The following IGF2 variants were observed in gnomAD, a reference collection of about 807,000 sequenced individuals.
IGF2 encodes insulin like growth factor 2.
IGF2 carries 2 observed loss-of-function variants against 12.0 expected under a neutral mutation model. The observed-to-expected ratio is 0.17, with a 90% CI of 0.07 to 0.52. The LOEUF (loss-of-function observed/expected upper bound fraction) is 0.52. Ranked by LOEUF, IGF2 falls within the 20% of genes least tolerant of loss-of-function variation. The pLI, the probability that IGF2 is intolerant of heterozygous loss-of-function variation, is 0.95. For missense variants in IGF2, 211 were observed against 268.0 expected (o/e 0.79, Z 1.48); for synonymous variants, 105 against 110.1 (o/e 0.95, Z 0.29).
chr11:2,134,102 C>G (rs763868632), intron 2 of IGF2: 4 of 499,014 alleles, frequency 8.0e-6, no homozygotes, highest in Admixed American at 2.4e-5. Flanking sequence ...CACACCACCC[C>G]TGGAGCTGCT....
upstream of IGF2, chr11:2,140,434 GC>G (rs1182699891): frequency 1.7e-5 from 12 of 701,050 alleles, no homozygotes; most frequent in South Asian, 5.7e-5. Flanking sequence ...GGAATCTCGC[GC>G]CCCCCTGGCC....
At chr11:2,141,938 G>T (rs2133621333), upstream of IGF2, among the ~76,000 whole-genome samples, 1 of 152,314 alleles carries the variant, frequency 6.6e-6, no homozygotes, top group East Asian at 1.9e-4. Flanking sequence ...ATATTTTCCT[G>T]GATGTCGTCT....
At chr11:2,143,338 G>C (rs898864704), upstream of IGF2, among the ~76,000 whole-genome samples, 14 of 150,690 alleles carry the variant, frequency 9.3e-5, no homozygotes, top group Non-Finnish European at 5.9e-5. Flanking sequence ...TGAGGTGAAC[G>C]GGAAGGGGCG....
chr11:2,142,768 G>A (rs1590135185), upstream of IGF2, among the ~76,000 whole-genome samples: 1 of 152,212 alleles, frequency 6.6e-6, no homozygotes, highest in Non-Finnish European at 1.5e-5. The surrounding 1 kb of genome is among the most constrained non-coding windows in gnomAD (Gnocchi z 5.7). Context: ...GGGAACTGGG[G>A]CCGTTAGCAA....
Position 2,135,354 on chromosome 11 carries a change from C to T in IGF2, c.157+13G>A, listed in dbSNP as rs201178716. ...CCTGACCAGGTCTGAGGAAGCCCCT[C>T]CCAGCTACTTACTGAAGTAGAAGCC... On this transcript the variant is annotated intron_variant, in intron 2 of 3. Coordinates refer to ENST00000416167, the MANE Select transcript of IGF2 (RefSeq NM_000612.6). The T allele has an allele frequency of 1.2e-6, 2 of 1,601,162 alleles. No individual in the cohort carries two copies. Among genetic ancestry groups the T allele is most frequent in the East Asian group, 2.3e-5 (1 of 44,382 alleles).
At chr11:2,136,856 C>T (rs552623584) in intron 1 of IGF2, among the ~76,000 whole-genome samples, 71 of 152,254 alleles carry the variant, frequency 4.7e-4, no homozygotes, top group Non-Finnish European at 8.8e-4. Flanking sequence ...ACAAGCCCCA[C>T]CACTCTGAAC....
In IGF2 at chr11:2,130,266, C is replaced by A. The variant is rs529224313; in HGVS notation, c.*2721G>T. On this transcript the variant is annotated 3_prime_UTR_variant, in exon 4 of 4. Coordinates refer to ENST00000416167, the MANE Select transcript of IGF2 (RefSeq NM_000612.6). ...CTGAGGAGACCCTGCCCAACCCCCC[C>A]CTCCGCCCTCAGGACTTCTGGGGAC... 13 of 230,686 alleles carry A rather than the reference C, an allele frequency of 5.6e-5. No individual in the cohort carries two copies. Among genetic ancestry groups the A allele is most frequent in the South Asian group, 3.6e-4 (2 of 5,496 alleles). The allele number at this position is 230,686 out of a possible 1,614,324, so 14.3% of individuals were successfully genotyped here.
At position 2,138,700 on chromosome 11, in the gene IGF2, G is replaced by T. The variant is rs1859290326; in HGVS notation, c.-478C>A. 2 of 797,104 alleles carry T rather than the reference G, an allele frequency of 2.5e-6. No individual in the cohort carries two copies. The highest frequency in any genetic ancestry group is 5.9e-5 in the South Asian group (1 of 17,064). The allele number at this position is 797,104 out of a possible 1,614,324, so 49.4% of individuals were successfully genotyped here. A position where few individuals can be genotyped will look rare whatever the true frequency, so the allele number is the denominator to read the frequency against. On this transcript the variant is annotated 5_prime_UTR_variant, in exon 1 of 4. Coordinates refer to ENST00000416167, the MANE Select transcript of IGF2 (RefSeq NM_000612.6). ...GTTCGGCGAAGGCGAGAGGGCGGGC[G>T]TGAGGGGGGGAGGGAGTCGGAGGCT...
upstream of IGF2, chr11:2,140,728 G>A (rs946525885): frequency 1.0e-5 from 4 of 392,756 alleles, no homozygotes; most frequent in African/African-American, 4.5e-5. Context: ...GCCGTGTCCC[G>A]CGCCCCACGC....
At chr11:2,141,411 G>T (rs975953806), upstream of IGF2, among the ~76,000 whole-genome samples, 1 of 152,180 alleles carries the variant, frequency 6.6e-6, no homozygotes, top group Admixed American at 6.5e-5. Flanking sequence ...ATAGATTACA[G>T]GTTTGGGGGA....
intron 2 of IGF2, among the ~76,000 whole-genome samples, chr11:2,134,399 T>G (rs1858843964): frequency 6.6e-6 from 1 of 152,204 alleles, no homozygotes. Flanking sequence ...GGGCAAGGAC[T>G]GGCTGGCACC....
intron 1 of IGF2, 29 bp downstream of exon 1, chr11:2,138,199 GC>G: frequency 1.0e-6 from 1 of 983,708 alleles, no homozygotes; most frequent in Non-Finnish European, 1.2e-6. Context: ...CCCAGCCCCG[GC>G]CCCGGCCCGG....
At chr11:2,137,019 C>T (rs1247208540) in intron 1 of IGF2, among the ~76,000 whole-genome samples, 1 of 152,088 alleles carries the variant, frequency 6.6e-6, no homozygotes, top group African/African-American at 2.4e-5. Context: ...GGAGCAGAGA[C>T]CAGGTGGGGG....
chr11:2,144,176 C>T (rs943468622), upstream of IGF2, among the ~76,000 whole-genome samples: 3 of 152,164 alleles, frequency 2.0e-5, no homozygotes, highest in South Asian at 4.1e-4. Flanking sequence ...AAGGAAGAAA[C>T]CCAAGGGCCG....
At chr11:2,148,965 G>C in the IGF2 span, 1 of 651,946 alleles carries the variant, frequency 1.5e-6, no homozygotes, top group Non-Finnish European at 2.6e-6. The surrounding 1 kb of genome is among the most constrained non-coding windows in gnomAD (Gnocchi z 4.3). Flanking sequence ...TGAAGTTGAG[G>C]CTGCTCTCAG....
the IGF2 span, chr11:2,148,909 A>G: frequency 5.1e-6 from 3 of 592,772 alleles, no homozygotes; most frequent in South Asian, 6.1e-5. The surrounding 1 kb of genome is among the most constrained non-coding windows in gnomAD (Gnocchi z 4.3). Flanking sequence ...GTGCAGCCCT[A>G]AAGGAGAACC....
upstream of IGF2, among the ~76,000 whole-genome samples, chr11:2,143,206 G>A (rs1188009418): frequency 6.6e-6 from 1 of 152,240 alleles, no homozygotes; most frequent in East Asian, 1.9e-4. Flanking sequence ...TTCATACTCT[G>A]AGGGTTCCAA....
chr11:2,132,837 G>C lies in IGF2; in HGVS notation c.*150C>G, dbSNP rs992974582. On this transcript the variant is annotated 3_prime_UTR_variant, in exon 4 of 4. Transcript: ENST00000416167. ...GGGGCCGAGGAGAGTAGCCTGTTTCGGGGAGGCGGGGCACGGGGACTGGGT... is the reference window on the plus strand; with the variant it reads ...GGGGCCGAGGAGAGTAGCCTGTTTCCGGGAGGCGGGGCACGGGGACTGGGT... The C allele has an allele frequency of 1.7e-6, 1 of 604,304 alleles. No individual in the cohort carries two copies. Among genetic ancestry groups the C allele is most frequent in the African/African-American group, 1.9e-5 (1 of 53,076 alleles). The allele number at this position is 604,304 out of a possible 1,614,324, so 37.4% of individuals were successfully genotyped here. A position where few individuals can be genotyped will look rare whatever the true frequency, so the allele number is the denominator to read the frequency against.
upstream of IGF2, among the ~76,000 whole-genome samples, chr11:2,142,979 G>C (rs35224423): frequency 0.01 from 1,551 of 152,230 alleles, 12 homozygotes; most frequent in Non-Finnish European, 0.014. This position sits in a 1 kb window ranked among gnomAD's most constrained non-coding sequence, Gnocchi z 5.7. Flanking sequence ...GACCTGATTC[G>C]TGGCCAGGCA....
Sources: allele counts gnomAD v4.1 joint callset (sites outside exome capture counted in the v4.1 genomes callset), GRCh38; gene constraint gnomAD v4.1.1; non-coding constraint Gnocchi (gnomAD v3.1); transcripts MANE v1.5; gene names NCBI Gene and HGNC (gene_info 2026-07-23, HGNC 2026-07-21).